NUP153: variants seen among roughly 807,000 people sequenced by gnomAD.
The protein encoded by NUP153 is nuclear pore complex protein Nup153.
A neutral mutation model predicts 134.6 loss-of-function variants in NUP153; 27 were observed. That is an observed-to-expected ratio of 0.20 (90% CI 0.15 to 0.28). The LOEUF is 0.28. NUP153 is among the 10% of genes least tolerant of loss of function. The pLI is 1.00. For missense variants in NUP153, 1,821 were observed against 1,731.3 expected (o/e 1.05, Z -0.92); for synonymous variants, 640 against 623.5 (o/e 1.03, Z -0.40).
At chr6:17,657,401 T>TAA (rs140217238) in intron 11 of NUP153, among the ~76,000 whole-genome samples, 7 of 140,358 alleles carry the variant, frequency 5.0e-5, no homozygotes, top group South Asian at 2.2e-4. Context: ...AATAAAAAAA[T>TAA]AAAAAAAAAA....
chr6:17,646,170 A>T lies in NUP153; in HGVS notation c.1633-16T>A. 1 of 1,366,386 alleles carries T rather than the reference A, an allele frequency of 7.3e-7. No homozygotes were observed. Among genetic ancestry groups the T allele is most frequent in the African/African-American group, 1.4e-5 (1 of 69,904 alleles). 84.6% of individuals were successfully genotyped at this position (1,366,386 alleles called of 1,614,324 possible). On this transcript the variant is annotated splice_polypyrimidine_tract_variant and intron_variant, in intron 13 of 21. Coordinates refer to ENST00000262077, the MANE Select transcript of NUP153 (RefSeq NM_005124.4). ...TAAATCCAATCTGTAAAGAGAAAGAATATCCTTATACTTCGTTTTCAATAA... is the reference window on the plus strand; with the variant it reads ...TAAATCCAATCTGTAAAGAGAAAGATTATCCTTATACTTCGTTTTCAATAA...
rs36027788 is a variant in NUP153 at position 17,632,846 on chromosome 6, T to TAA, written c.2465-4_2465-3dup. On this transcript the variant is annotated splice_polypyrimidine_tract_variant and splice_region_variant and intron_variant, in intron 16 of 21. Transcript: ENST00000262077. ...TACTTGAAGCAGGTACTGAACTTCC[T>TAA]AAAAAAAAAAAAAAAAACGGGGAGT... 130,507 of 848,856 alleles carry TAA rather than the reference T, an allele frequency of 0.15. 6,018 individuals are homozygous for TAA. Among genetic ancestry groups the TAA allele is most frequent in the Admixed American group, 0.17 (4,107 of 24,420 alleles). The allele number at this position is 848,856 out of a possible 1,614,324, so 52.6% of individuals were successfully genotyped here. A position where few individuals can be genotyped will look rare whatever the true frequency, so the allele number is the denominator to read the frequency against.
Position 17,646,136 on chromosome 6 carries a change from C to T in NUP153, c.1651G>A (p.Val551Met), listed in dbSNP as rs760628851. Reference sequence around the variant, plus strand: ...AGTTCTGCTGTTTTTGCAACAGGCACACTAAATGTAAATCCAATCTGTAAA... The same window carrying T: ...AGTTCTGCTGTTTTTGCAACAGGCATACTAAATGTAAATCCAATCTGTAAA... ...PPSSIGFTFS[V>M]PVAKTAELSG... The change falls in exon 14 of 22, where the codon GTG becomes ATG. Residue 551 changes from valine (V) to methionine (M), a missense_variant. Transcript: ENST00000262077. 5.3e-5 allele frequency: 84 copies of T among 1,590,148 alleles called. 1 individual carries two copies. The South Asian group carries it at 8.7e-4, about 17-fold the overall frequency.
In NUP153 at chr6:17,675,791, A is replaced by G; in HGVS notation, c.335-21T>C. ...AGGTTCTTAAAAGAAAAGCATTAAT[A>G]TTATGAATATACAACTTAGAGCGAT... On this transcript the variant is annotated intron_variant, in intron 2 of 21. Coordinates refer to ENST00000262077, the MANE Select transcript of NUP153 (RefSeq NM_005124.4). This position sits in a 1 kb window ranked among gnomAD's most constrained non-coding sequence, Gnocchi z 4.4. 6.2e-7 allele frequency: 1 copy of G among 1,606,240 alleles called. No homozygotes were observed. Among genetic ancestry groups the G allele is most frequent in the South Asian group, 1.1e-5 (1 of 90,912 alleles).
chr6:17,617,274 C>T (rs1019651876), intron 20 of NUP153, among the ~76,000 whole-genome samples: 1 of 152,056 alleles, frequency 6.6e-6, no homozygotes, highest in African/African-American at 2.4e-5. Context: ...ACACTTAGCT[C>T]TATCTTCTTT....
intron 17 of NUP153, among the ~76,000 whole-genome samples, chr6:17,632,256 G>A (rs1432290343): frequency 3.3e-5 from 5 of 152,008 alleles, no homozygotes; most frequent in African/African-American, 7.3e-5. Flanking sequence ...AGCAGAGATC[G>A]CGCCCCCGTA....
intron 17 of NUP153, among the ~76,000 whole-genome samples, chr6:17,631,735 G>A (rs1765265075): frequency 6.6e-6 from 1 of 152,154 alleles, no homozygotes; most frequent in South Asian, 2.1e-4. Context: ...GGGAGGCCGA[G>A]GCGGGTGGAT....
intron 20 of NUP153, among the ~76,000 whole-genome samples, chr6:17,617,731 G>A (rs1764411279): frequency 6.6e-6 from 1 of 152,078 alleles, no homozygotes; most frequent in African/African-American, 2.4e-5. Flanking sequence ...TGTAATCCCA[G>A]CTACTCAGGA....
chr6:17,633,624 A>G (rs1371844684), intron 16 of NUP153, among the ~76,000 whole-genome samples: 1 of 152,220 alleles, frequency 6.6e-6, no homozygotes. Context: ...AGAGGCAGGA[A>G]AAGGATACAC....
chr6:17,648,501 C>T (rs538007943), intron 12 of NUP153, among the ~76,000 whole-genome samples: 4 of 152,254 alleles, frequency 2.6e-5, no homozygotes, highest in Middle Eastern at 6.8e-3. Context: ...CCTGTAATCC[C>T]AGCTACTCAG....
Position 17,662,070 on chromosome 6 carries a change from T to C in NUP153, c.1216A>G (p.Thr406Ala). The C allele has an allele frequency of 1.2e-6, 2 of 1,612,342 alleles. No individual in the cohort carries two copies. Among genetic ancestry groups the C allele is most frequent in the Non-Finnish European group, 1.7e-6 (2 of 1,179,132 alleles). Reference protein sequence around the residue: ...TNQRIDNKCSTGYEKNMTPGQ... With the variant: ...TNQRIDNKCSAGYEKNMTPGQ... ...GGTGTCATATTTTTTTCATATCCAG[T>C]CTGCAGGGGAAATACACACATATTT... Residue 406 changes from threonine to alanine, a missense_variant and splice_region_variant, in exon 10 of 22, where the codon ACT becomes GCT. Physicochemically the swap from Thr to Ala is moderately conservative, Grantham distance 58. Transcript: ENST00000262077.
intron 13 of NUP153, 21 bp downstream of exon 13, chr6:17,647,786 T>C: frequency 7.3e-7 from 1 of 1,363,730 alleles, no homozygotes; most frequent in Non-Finnish European, 1.0e-6. Flanking sequence ...AAATATATAC[T>C]ATTCCTTGCT....
intron 2 of NUP153, among the ~76,000 whole-genome samples, chr6:17,677,918 T>C (rs962173258): frequency 6.6e-6 from 1 of 152,220 alleles, no homozygotes; most frequent in Non-Finnish European, 1.5e-5. Context: ...AATATTAACT[T>C]TGTGTCAATT....
chr6:17,701,831 TC>T (rs201354053), intron 1 of NUP153, among the ~76,000 whole-genome samples: 2,651 of 15,016 alleles, frequency 0.18, 209 homozygotes, highest in Non-Finnish European at 0.28. Flanking sequence ...AGACTCTGTC[TC>T]GGGGGGGGGG....
At chr6:17,695,800 G>C (rs1167348556) in intron 1 of NUP153, among the ~76,000 whole-genome samples, 1 of 152,168 alleles carries the variant, frequency 6.6e-6, no homozygotes, top group African/African-American at 2.4e-5. Context: ...ATGAGGTCAG[G>C]AGATCGAGAC....
At chr6:17,688,977 CAT>C (rs1393403489) in intron 1 of NUP153, among the ~76,000 whole-genome samples, 1 of 151,726 alleles carries the variant, frequency 6.6e-6, no homozygotes, top group African/African-American at 2.4e-5. Flanking sequence ...TATGTTAAAA[CAT>C]AAACAATACT....
chr6:17,698,104 T>C (rs1769783636), intron 1 of NUP153, among the ~76,000 whole-genome samples: 1 of 152,190 alleles, frequency 6.6e-6, no homozygotes, highest in African/African-American at 2.4e-5. Context: ...TCAAATGCAG[T>C]CCATCATCAG....
intron 2 of NUP153, among the ~76,000 whole-genome samples, chr6:17,677,893 C>T (rs1033984922): frequency 2.6e-5 from 4 of 151,888 alleles, no homozygotes; most frequent in Admixed American, 1.3e-4. Context: ...ATAAGAGAGT[C>T]GTTAGGTATT....
chr6:17,671,228 G>A (rs1342977702), intron 5 of NUP153, among the ~76,000 whole-genome samples: 1 of 151,880 alleles, frequency 6.6e-6, no homozygotes, highest in Non-Finnish European at 1.5e-5. Flanking sequence ...GTTGAGGTTT[G>A]TGTCTATAAT....
Sources: gnomAD v4.1 joint callset for allele counts (sites outside exome capture counted in the v4.1 genomes callset) on GRCh38, gnomAD v4.1.1 for gene constraint, Gnocchi (gnomAD v3.1) non-coding constraint, MANE v1.5 for transcripts, NCBI Gene and HGNC (gene_info 2026-07-23, HGNC 2026-07-21) for gene names.